The following FBXL20 variants were observed in gnomAD, a reference collection of about 807,000 sequenced individuals.
FBXL20 encodes the protein F-box/LRR-repeat protein 20.
In FBXL20, 11 loss-of-function variants were observed where a neutral mutation model predicts 64.0. That is an observed-to-expected ratio of 0.17 (90% CI 0.11 to 0.28). The LOEUF is 0.28. Ranked by LOEUF, FBXL20 falls within the 10% of genes least tolerant of loss-of-function variation. FBXL20 has a pLI of 1.00. For missense variants in FBXL20, 303 were observed against 526.2 expected (o/e 0.58, Z 4.15); for synonymous variants, 184 against 189.0 (o/e 0.97, Z 0.22).
chr17:39,281,044 A>G (rs900125679), intron 9 of FBXL20, among the ~76,000 whole-genome samples: 4 of 152,190 alleles, frequency 2.6e-5, no homozygotes, highest in Non-Finnish European at 5.9e-5. Context: ...GATTACAGGC[A>G]TGAGCCACCG....
At chr17:39,362,799 A>G (rs1333435938) in intron 1 of FBXL20, among the ~76,000 whole-genome samples, 3 of 146,486 alleles carry the variant, frequency 2.0e-5, no homozygotes, top group Non-Finnish European at 4.5e-5. Context: ...TTGTATTTTT[A>G]GTAGAAATGG....
At chr17:39,266,872 A>G (rs566459968) in intron 12 of FBXL20, among the ~76,000 whole-genome samples, 1 of 152,316 alleles carries the variant, frequency 6.6e-6, no homozygotes, top group Admixed American at 6.5e-5. Flanking sequence ...TCCCCTTGGT[A>G]GCTAGTTGTA....
At chr17:39,345,067 A>T (rs2144576684) in intron 1 of FBXL20, among the ~76,000 whole-genome samples, 1 of 152,352 alleles carries the variant, frequency 6.6e-6, no homozygotes, top group South Asian at 2.1e-4. Flanking sequence ...TAAAAATGGC[A>T]CATACACATG....
chr17:39,339,082 C>T (rs939669218), intron 2 of FBXL20, among the ~76,000 whole-genome samples: 4 of 148,688 alleles, frequency 2.7e-5, no homozygotes, highest in Non-Finnish European at 4.4e-5. Context: ...GCAGGAGAAT[C>T]GCTTGAACCT....
At chr17:39,381,690 C>T (rs1157188588) in intron 1 of FBXL20, among the ~76,000 whole-genome samples, 1 of 149,612 alleles carries the variant, frequency 6.7e-6, no homozygotes, top group African/African-American at 2.5e-5. Flanking sequence ...ACTCAGGGGG[C>T]TGAGGTGGGA....
intron 1 of FBXL20, among the ~76,000 whole-genome samples, chr17:39,375,011 T>G (rs1448130519): frequency 6.6e-6 from 1 of 152,112 alleles, no homozygotes; most frequent in East Asian, 1.9e-4. Context: ...GGTCTCAATC[T>G]CTTGACCTCG....
chr17:39,324,195 T>C (rs1338487638), intron 2 of FBXL20, among the ~76,000 whole-genome samples: 1 of 150,084 alleles, frequency 6.7e-6, no homozygotes, highest in Non-Finnish European at 1.5e-5. Flanking sequence ...GGAGTGCTTA[T>C]TAAAATGCAG....
chr17:39,391,532 T>C (rs2048133427), intron 1 of FBXL20, among the ~76,000 whole-genome samples: 1 of 151,980 alleles, frequency 6.6e-6, no homozygotes, highest in Non-Finnish European at 1.5e-5. Context: ...CACTAGAATA[T>C]GTATAATACA....
intron 1 of FBXL20, among the ~76,000 whole-genome samples, chr17:39,351,551 A>C (rs796104909): frequency 3.2e-4 from 49 of 152,330 alleles, no homozygotes; most frequent in African/African-American, 1.1e-3. Flanking sequence ...AAAAGGAGTC[A>C]AAACAATTTA....
intron 1 of FBXL20, among the ~76,000 whole-genome samples, chr17:39,394,415 G>C (rs540642010): frequency 6.6e-6 from 1 of 151,422 alleles, no homozygotes; most frequent in East Asian, 1.9e-4. Flanking sequence ...TGGGACTACA[G>C]GCACCTGCCA....
chr17:39,360,471 G>A (rs982619440), intron 1 of FBXL20, among the ~76,000 whole-genome samples: 6 of 152,132 alleles, frequency 3.9e-5, no homozygotes, highest in Admixed American at 1.3e-4. Context: ...ATTTGATGTG[G>A]TTCTGTGACA....
intron 1 of FBXL20, among the ~76,000 whole-genome samples, chr17:39,398,507 C>G (rs2048209092): frequency 6.6e-6 from 1 of 152,282 alleles, no homozygotes; most frequent in Admixed American, 6.5e-5. Flanking sequence ...TGTTGACCTA[C>G]AAGGGTTATT....
At chr17:39,276,793 GT>G (rs892295907) in intron 9 of FBXL20, among the ~76,000 whole-genome samples, 1 of 152,112 alleles carries the variant, frequency 6.6e-6, no homozygotes, top group African/African-American at 2.4e-5. Flanking sequence ...CATCAAAGAT[GT>G]TATATTTTTA....
At position 39,265,257 on chromosome 17, in the gene FBXL20, T is replaced by C. The variant is rs183285370; in HGVS notation, c.990+140A>G. 3.0e-4 allele frequency: 188 copies of C among 618,988 alleles called. 2 individuals carry two copies. The highest frequency in any genetic ancestry group is 3.0e-3 in the African/African-American group (161 of 53,520). The allele number at this position is 618,988 out of a possible 1,614,324, so 38.3% of individuals were successfully genotyped here. A position where few individuals can be genotyped will look rare whatever the true frequency, so the allele number is the denominator to read the frequency against. ...TTCCTACTTCACTCATGTACTCCTT[T>C]GGTTCTCAGTAAGCTGGCAGTTTGA... On this transcript the variant is annotated intron_variant, in intron 13 of 14. Coordinates refer to ENST00000264658, the MANE Select transcript of FBXL20 (RefSeq NM_032875.3).
At chr17:39,300,325 T>C (rs2047122777) in intron 4 of FBXL20, among the ~76,000 whole-genome samples, 1 of 152,134 alleles carries the variant, frequency 6.6e-6, no homozygotes, top group African/African-American at 2.4e-5. Context: ...CCACGTGCCC[T>C]CAAAAAACCT....
At chr17:39,327,185 CCT>C (rs2047417040) in intron 2 of FBXL20, among the ~76,000 whole-genome samples, 1 of 152,184 alleles carries the variant, frequency 6.6e-6, no homozygotes, top group South Asian at 2.1e-4. Flanking sequence ...CGCACCCAGC[CCT>C]GTCTTGGCCT....
chr17:39,336,194 T>G (rs1323636084), intron 2 of FBXL20, among the ~76,000 whole-genome samples: 1 of 152,176 alleles, frequency 6.6e-6, no homozygotes, highest in Non-Finnish European at 1.5e-5. Flanking sequence ...ATTGGTAACT[T>G]GGCTGTAAGC....
intron 2 of FBXL20, among the ~76,000 whole-genome samples, chr17:39,319,247 C>CA (rs564575646): frequency 1.5e-3 from 210 of 143,284 alleles, no homozygotes; most frequent in African/African-American, 3.3e-3. Context: ...GACTCCATCT[C>CA]AAAAAAAAAA....
intron 1 of FBXL20, among the ~76,000 whole-genome samples, chr17:39,353,354 C>T (rs933578013): frequency 6.6e-6 from 1 of 152,126 alleles, no homozygotes; most frequent in African/African-American, 2.4e-5. Context: ...CAGCCACAGT[C>T]TGAAAACAGG....
Sources: gnomAD v4.1 joint callset for allele counts (sites outside exome capture counted in the v4.1 genomes callset) on GRCh38, gnomAD v4.1.1 for gene constraint, MANE v1.5 for transcripts, NCBI Gene and HGNC (gene_info 2026-07-23, HGNC 2026-07-21) for gene names.